The following ARB2A variants were observed in gnomAD, a reference collection of about 807,000 sequenced individuals.
ARB2A encodes cotranscriptional regulator ARB2A.
chr5:93,956,842 A>C, the ARB2A span, among the ~76,000 whole-genome samples: 1 of 152,154 alleles, frequency 6.6e-6, no homozygotes, highest in Non-Finnish European at 1.5e-5. Flanking sequence ...AAGTAGTAAA[A>C]TCACTTTATC....
At chr5:93,669,917 A>G in the ARB2A span, among the ~76,000 whole-genome samples, 2 of 152,124 alleles carry the variant, frequency 1.3e-5, no homozygotes, top group Admixed American at 6.6e-5. Context: ...TCTCTAGACT[A>G]TTTCCTTAAA....
At chr5:93,822,183 C>T in the ARB2A span, among the ~76,000 whole-genome samples, 1 of 152,272 alleles carries the variant, frequency 6.6e-6, no homozygotes, top group Non-Finnish European at 1.5e-5. Flanking sequence ...AAAACTTTAG[C>T]TCAGCTTGTG....
At chr5:93,665,782 G>A in the ARB2A span, among the ~76,000 whole-genome samples, 1 of 152,146 alleles carries the variant, frequency 6.6e-6, no homozygotes, top group Non-Finnish European at 1.5e-5. Context: ...GGAGAAACCT[G>A]CACGTACTGA....
the ARB2A span, among the ~76,000 whole-genome samples, chr5:93,987,910 A>G: frequency 6.6e-6 from 1 of 152,204 alleles, no homozygotes; most frequent in East Asian, 1.9e-4. Flanking sequence ...GAAGAGCCTC[A>G]GTATGTTCAA....
chr5:93,830,299 A>G, the ARB2A span, among the ~76,000 whole-genome samples: 22 of 39,692 alleles, frequency 5.5e-4, no homozygotes, highest in African/African-American at 2.0e-3. Flanking sequence ...ATGTATATAT[A>G]TGTGTGTGTG....
chr5:94,080,522 AGGAGAATGT>A, the ARB2A span, among the ~76,000 whole-genome samples: 1 of 152,184 alleles, frequency 6.6e-6, no homozygotes, highest in South Asian at 2.1e-4. Flanking sequence ...TGCCCCTTCA[AGGAGAATGT>A]GCTGCTCAGC....
chr5:93,801,213 C>T, the ARB2A span, among the ~76,000 whole-genome samples: 1 of 152,082 alleles, frequency 6.6e-6, no homozygotes, highest in Non-Finnish European at 1.5e-5. Flanking sequence ...TCTGGTTTTG[C>T]CAAGAATGAC....
At chr5:93,756,457 C>A in the ARB2A span, among the ~76,000 whole-genome samples, 1 of 152,194 alleles carries the variant, frequency 6.6e-6, no homozygotes, top group African/African-American at 2.4e-5. Flanking sequence ...AACTAAGAAC[C>A]CTGACAGAGT....
the ARB2A span, among the ~76,000 whole-genome samples, chr5:93,919,944 C>A: frequency 1.3e-5 from 2 of 152,204 alleles, no homozygotes; most frequent in Admixed American, 6.5e-5. Flanking sequence ...TTTTCACACA[C>A]CTAAATCTCC....
At chr5:93,777,288 C>T in the ARB2A span, among the ~76,000 whole-genome samples, 1 of 151,556 alleles carries the variant, frequency 6.6e-6, no homozygotes, top group African/African-American at 2.4e-5. Context: ...TGCACATGTA[C>T]CCTAAAACTT....
At chr5:93,739,820 A>C in the ARB2A span, 1 of 152,130 alleles carries the variant, frequency 6.6e-6, no homozygotes, top group East Asian at 1.9e-4. Context: ...CAGGAGGAGT[A>C]AGCTACAGCT....
the ARB2A span, among the ~76,000 whole-genome samples, chr5:94,068,303 G>A: frequency 6.6e-6 from 1 of 152,216 alleles, no homozygotes; most frequent in African/African-American, 2.4e-5. Flanking sequence ...AGCCCAATTG[G>A]GAGCGGCAAT....
At chr5:94,109,743 T>C in the ARB2A span, among the ~76,000 whole-genome samples, 6,041 of 152,192 alleles carry the variant, frequency 0.04, 172 homozygotes, top group East Asian at 0.14. Context: ...CCTCCATACT[T>C]GCGGAGCTCA....
chr5:94,093,281 T>C, the ARB2A span, among the ~76,000 whole-genome samples: 1 of 152,006 alleles, frequency 6.6e-6, no homozygotes, highest in Non-Finnish European at 1.5e-5. Context: ...TATCAATTAG[T>C]ACATTAATCT....
the ARB2A span, among the ~76,000 whole-genome samples, chr5:93,648,256 T>C: frequency 6.6e-6 from 1 of 152,138 alleles, no homozygotes; most frequent in African/African-American, 2.4e-5. Context: ...TTTATTTCAA[T>C]CTGAAACTTC....
chr5:94,053,462 C>T, the ARB2A span, among the ~76,000 whole-genome samples: 1 of 152,054 alleles, frequency 6.6e-6, no homozygotes, highest in East Asian at 1.9e-4. Flanking sequence ...ATTCTATACA[C>T]CATTATATTT....
the ARB2A span, chr5:93,738,071 CT>C: frequency 6.5e-6 from 2 of 309,290 alleles, no homozygotes; most frequent in Non-Finnish European, 1.3e-5. Flanking sequence ...AACCATCTAT[CT>C]GATAAGGGCT....
the ARB2A span, among the ~76,000 whole-genome samples, chr5:93,827,243 C>T: frequency 6.6e-6 from 1 of 152,146 alleles, no homozygotes; most frequent in African/African-American, 2.4e-5. Context: ...TTCTCCACAT[C>T]CTCTCCAGCA....
the ARB2A span, chr5:93,959,045 G>A: frequency 3.2e-6 from 3 of 940,808 alleles, no homozygotes; most frequent in African/African-American, 1.7e-5. Flanking sequence ...ACAACTAATG[G>A]CTGTTACAAA....
Sources: gnomAD v4.1 joint callset for allele counts (sites outside exome capture counted in the v4.1 genomes callset) on GRCh38, gnomAD v4.1.1 for gene constraint, MANE v1.5 for transcripts, NCBI Gene and HGNC (gene_info 2026-07-23, HGNC 2026-07-21) for gene names.